MTMR2: variants seen among roughly 807,000 people sequenced by gnomAD.
MTMR2 encodes the protein phosphatidylinositol-3,5-bisphosphate 3-phosphatase MTMR2.
In MTMR2, 55 loss-of-function variants were observed where a neutral mutation model predicts 86.9. The ratio of observed to expected loss-of-function variants is 0.63; its 90% CI spans 0.51 to 0.79. The LOEUF (loss-of-function observed/expected upper bound fraction) is 0.79. Ranked by LOEUF, MTMR2 falls within the 30% of genes least tolerant of loss-of-function variation. The pLI, the probability that MTMR2 is intolerant of heterozygous loss-of-function variation, is 0.00. For missense variants in MTMR2, 659 were observed against 772.3 expected (o/e 0.85, Z 1.74); for synonymous variants, 241 against 266.8 (o/e 0.90, Z 0.94).
rs1384014792 is a variant in MTMR2, at chr11:95,833,566, A to G, written c.*1724T>C. 2.6e-5 allele frequency: 4 copies of G among 152,078 alleles called. No individual in the cohort carries two copies. The highest frequency in any genetic ancestry group is 2.9e-5 in the Non-Finnish European group (2 of 67,998). The allele number at this position is 152,078 out of a possible 1,614,324, so 9.4% of individuals were successfully genotyped here. ...CTCAGCAGAGAAGTGGTAGGGTTGC[A>G]CTTAGATTTCCCTGGCTTTTGATTT... On this transcript the variant is annotated 3_prime_UTR_variant, in exon 15 of 15. Transcript: ENST00000346299.
chr11:95,862,029 C>T lies in MTMR2; in HGVS notation c.431G>A (p.Arg144Gln), dbSNP rs1555065007. 5 of 1,613,700 alleles carry T rather than the reference C, an allele frequency of 3.1e-6. No homozygotes were observed. Among genetic ancestry groups the T allele is most frequent in the Non-Finnish European group, 3.4e-6 (4 of 1,179,750 alleles). ...TTCTAGTCCATAAGAATTTTCACCTCGACTAGAAGCACCACCAATTTTTTC... is the reference window on the plus strand; with the variant it reads ...TTCTAGTCCATAAGAATTTTCACCTTGACTAGAAGCACCACCAATTTTTTC... ...RVEKIGGASS[R>Q]GENSYGLETV... The change falls in exon 5 of 15, where the codon CGA becomes CAA. Residue 144 changes from arginine to glutamine, a missense_variant. Arg to Gln is a conservative substitution (Grantham distance 43). Around this residue, in one of 3 missense-constraint regions of MTMR2, gnomAD observed 387 missense variants for 526.3 expected, o/e 0.74. Transcript: ENST00000346299.
At chr11:95,893,399 T>C (rs1865776277) in intron 1 of MTMR2, among the ~76,000 whole-genome samples, 1 of 152,068 alleles carries the variant, frequency 6.6e-6, no homozygotes, top group Non-Finnish European at 1.5e-5. Context: ...AACTTTCCCT[T>C]CATCTCATCT....
intron 2 of MTMR2, among the ~76,000 whole-genome samples, chr11:95,874,682 C>T (rs1329239391): frequency 6.6e-6 from 1 of 152,164 alleles, no homozygotes; most frequent in East Asian, 1.9e-4. Flanking sequence ...GCTTTTTCTT[C>T]CTAGCCTCAA....
chr11:95,842,458 C>T (rs1787891459), intron 11 of MTMR2, among the ~76,000 whole-genome samples: 1 of 152,130 alleles, frequency 6.6e-6, no homozygotes, highest in African/African-American at 2.4e-5. Context: ...CAGGAGGAAC[C>T]ATATTAGCAC....
At chr11:95,889,128 T>C (rs1865618863) in intron 1 of MTMR2, among the ~76,000 whole-genome samples, 1 of 145,762 alleles carries the variant, frequency 6.9e-6, no homozygotes. Context: ...TAAATTCCTA[T>C]AGAACTTTTT....
chr11:95,875,041 T>C (rs1313030688), intron 2 of MTMR2, among the ~76,000 whole-genome samples: 7 of 152,140 alleles, frequency 4.6e-5, no homozygotes, highest in Non-Finnish European at 1.0e-4. Flanking sequence ...TTTTCCTTCA[T>C]TTCAACTTTG....
rs536824111 is a variant in MTMR2, at chr11:95,913,482, C to A, written c.80+10393G>T. Among the ~76,000 whole-genome samples, 9 of 152,232 alleles carry A rather than the reference C, an allele frequency of 5.9e-5. No homozygotes were observed. The East Asian group carries it at 1.7e-3, about 29-fold the overall frequency. On this transcript the variant is annotated intron_variant, in intron 1 of 14. Transcript: ENST00000346299. ...TGGGTGGTTCTTCAACTGTTAAATG[C>A]CGATTCCTAACGTCACCTCAATGAT...
At chr11:95,838,307 T>C in intron 12 of MTMR2, 100 bp from the exon 13 acceptor site, 2 of 729,478 alleles carry the variant, frequency 2.7e-6, no homozygotes, top group South Asian at 1.4e-5. Context: ...TAAAATGAAG[T>C]TAAACATTCA....
At chr11:95,900,922 T>C (rs906965264) in intron 1 of MTMR2, among the ~76,000 whole-genome samples, 1 of 152,224 alleles carries the variant, frequency 6.6e-6, no homozygotes, top group Non-Finnish European at 1.5e-5. Context: ...CTTGTTTCTC[T>C]GAGTTCTCAC....
intron 5 of MTMR2, 90 bp from the exon 6 acceptor site, chr11:95,858,722 T>A: frequency 1.1e-6 from 1 of 875,834 alleles, no homozygotes; most frequent in Non-Finnish European, 1.9e-6. Flanking sequence ...TGTAAAATGT[T>A]AAGATCTGTG....
Position 95,888,148 on chromosome 11 carries a change from A to G in MTMR2, c.186+8T>C. 6.4e-7 allele frequency: 1 copy of G among 1,570,792 alleles called. No individual in the cohort carries two copies. Among genetic ancestry groups the G allele is most frequent in the Non-Finnish European group, 8.7e-7 (1 of 1,144,142 alleles). ...TACTTCATCAGAACTTTAAAATAGT[A>G]TACATACCCTCAAATCAGGAGAAAA... On this transcript the variant is annotated splice_region_variant and intron_variant, in intron 2 of 14. Coordinates refer to ENST00000346299, the MANE Select transcript of MTMR2 (RefSeq NM_016156.6).
At chr11:95,902,479 A>T (rs922838978) in intron 1 of MTMR2, among the ~76,000 whole-genome samples, 1 of 152,176 alleles carries the variant, frequency 6.6e-6, no homozygotes, top group Admixed American at 6.5e-5. Flanking sequence ...TCTTACAACT[A>T]TCCACATTAA....
chr11:95,855,708 A>C (rs1864186909), intron 7 of MTMR2, among the ~76,000 whole-genome samples: 1 of 152,178 alleles, frequency 6.6e-6, no homozygotes, highest in African/African-American at 2.4e-5. Context: ...TAAATATAAT[A>C]ATCATCATTT....
intron 1 of MTMR2, among the ~76,000 whole-genome samples, chr11:95,918,537 ATTG>A (rs1307128031): frequency 1.3e-5 from 2 of 152,160 alleles, no homozygotes; most frequent in Non-Finnish European, 2.9e-5. Context: ...TCAGACCAAT[ATTG>A]TTTCTTATCT....
At chr11:95,859,661 CA>C (rs1487991347) in intron 5 of MTMR2, among the ~76,000 whole-genome samples, 1 of 151,980 alleles carries the variant, frequency 6.6e-6, no homozygotes, top group Non-Finnish European at 1.5e-5. Context: ...CTTGTCTCTA[CA>C]AAAAATTTTT....
intron 7 of MTMR2, among the ~76,000 whole-genome samples, chr11:95,853,993 AAC>A (rs1448795947): frequency 6.6e-6 from 1 of 152,096 alleles, no homozygotes; most frequent in Non-Finnish European, 1.5e-5. Flanking sequence ...TCCTTGTAAA[AAC>A]ACTACCAGGA....
At chr11:95,881,496 G>A (rs1056673339) in intron 2 of MTMR2, among the ~76,000 whole-genome samples, 2 of 152,020 alleles carry the variant, frequency 1.3e-5, no homozygotes, top group African/African-American at 2.4e-5. Flanking sequence ...CATTTATTTA[G>A]ATATCCTTTT....
At chr11:95,902,811 G>C (rs983816360) in intron 1 of MTMR2, among the ~76,000 whole-genome samples, 1 of 152,066 alleles carries the variant, frequency 6.6e-6, no homozygotes, top group African/African-American at 2.4e-5. Flanking sequence ...CCTGAAAACT[G>C]GGCCTTGTCC....
chr11:95,838,225 C>T lies in MTMR2; in HGVS notation c.1480-18G>A, dbSNP rs779077686. Reference sequence around the variant, plus strand: ...GTAGGAAACTGCAAATCAAACATCACAAACACATAAATTAAGACATTCTTC... The same window carrying T: ...GTAGGAAACTGCAAATCAAACATCATAAACACATAAATTAAGACATTCTTC... On this transcript the variant is annotated intron_variant, in intron 12 of 14. Transcript: ENST00000346299. 56 of 1,289,336 alleles carry T rather than the reference C, an allele frequency of 4.3e-5. No individual in the cohort carries two copies. In the East Asian group the frequency reaches 1.3e-3, roughly 30 times the overall value. 79.9% of individuals were successfully genotyped at this position (1,289,336 alleles called of 1,614,324 possible).
Sources: allele counts gnomAD v4.1 joint callset (sites outside exome capture counted in the v4.1 genomes callset), GRCh38; gene constraint gnomAD v4.1.1; regional missense constraint gnomAD v4.1.1; transcripts MANE v1.5; gene names NCBI Gene and HGNC (gene_info 2026-07-23, HGNC 2026-07-21).